Variants in UGT2A1 observed in about 807,000 individuals in gnomAD.
UGT2A1 encodes the protein UDP-glucuronosyltransferase 2A1.
UGT2A1 carries 61 observed loss-of-function variants against 45.4 expected under a neutral mutation model. That is an observed-to-expected ratio of 1.34 (90% CI 1.09 to 1.66). The LOEUF is 1.66. UGT2A1 is among the 40% of genes most tolerant of loss of function. The pLI, the probability that UGT2A1 is intolerant of heterozygous loss-of-function variation, is 0.00. For missense variants in UGT2A1, 649 were observed against 574.3 expected (o/e 1.13, Z -1.33); for synonymous variants, 229 against 196.2 (o/e 1.17, Z -1.40).
chr4:69,637,174 G>A (rs995352817), intron 2 of UGT2A1, among the ~76,000 whole-genome samples: 24 of 152,032 alleles, frequency 1.6e-4, no homozygotes, highest in African/African-American at 5.3e-4. Context: ...AAGAAACTAC[G>A]GTTAAATTAT....
At chr4:69,606,476 G>T (rs544180019) in intron 3 of UGT2A1, among the ~76,000 whole-genome samples, 2 of 136,364 alleles carry the variant, frequency 1.5e-5, no homozygotes, top group African/African-American at 6.0e-5. Context: ...ATACTGAATG[G>T]ACAAAAACTG....
chr4:69,616,135 G>A lies in UGT2A1; in HGVS notation c.848-16741C>T, dbSNP rs574226603. ...CCAGGCGCGGAAAGACAAATATGCCGTGTTTTCACTCACATGTGGAAGCTA... is the reference window on the plus strand; with the variant it reads ...CCAGGCGCGGAAAGACAAATATGCCATGTTTTCACTCACATGTGGAAGCTA... On this transcript the variant is annotated intron_variant, in intron 3 of 6. Transcript: ENST00000286604. Among the ~76,000 whole-genome samples, 18 of 151,962 alleles carry A rather than the reference G, an allele frequency of 1.2e-4. No individual in the cohort carries two copies. The East Asian group carries it at 1.7e-3, about 15-fold the overall frequency.
At chr4:69,633,324 T>C (rs977536738) in intron 3 of UGT2A1, among the ~76,000 whole-genome samples, 1 of 152,140 alleles carries the variant, frequency 6.6e-6, no homozygotes, top group Non-Finnish European at 1.5e-5. Context: ...CAATACCAAG[T>C]GTTGATGACA....
At chr4:69,611,070 G>A (rs1384049641) in intron 3 of UGT2A1, among the ~76,000 whole-genome samples, 1 of 151,954 alleles carries the variant, frequency 6.6e-6, no homozygotes, top group Non-Finnish European at 1.5e-5. Context: ...AGCAGAATAG[G>A]CAAATAATTT....
At chr4:69,631,149 G>A (rs750688787) in intron 3 of UGT2A1, among the ~76,000 whole-genome samples, 12 of 151,880 alleles carry the variant, frequency 7.9e-5, no homozygotes, top group Non-Finnish European at 1.6e-4. Flanking sequence ...TCCTATTAAC[G>A]TCTTTTCTTT....
chr4:69,604,938 AG>A (rs1259451146), intron 3 of UGT2A1, among the ~76,000 whole-genome samples: 2 of 136,780 alleles, frequency 1.5e-5, no homozygotes, highest in African/African-American at 5.9e-5. Flanking sequence ...TTAGAGACCT[AG>A]AAAGAGACTT....
intron 2 of UGT2A1, among the ~76,000 whole-genome samples, chr4:69,646,498 A>G (rs549225336): frequency 6.6e-6 from 1 of 151,950 alleles, no homozygotes; most frequent in East Asian, 1.9e-4. Context: ...TTATTAAGTG[A>G]TGATCAGAGA....
chr4:69,589,718 G>A, intron 6 of UGT2A1, 67 bp from the exon 7 acceptor site: 1 of 1,543,566 alleles, frequency 6.5e-7, no homozygotes, highest in Non-Finnish European at 8.7e-7. Context: ...AGATAAATAT[G>A]TGATACACTT....
chr4:69,608,169 C>T (rs192522029), intron 3 of UGT2A1, among the ~76,000 whole-genome samples: 21 of 152,122 alleles, frequency 1.4e-4, no homozygotes, highest in African/African-American at 4.3e-4. Flanking sequence ...TGGAACCAAC[C>T]CAAATGTCCA....
Position 69,599,291 on chromosome 4 carries a change from C to T in UGT2A1, c.951G>A (p.Glu317=). The change falls in exon 4 of 7, where the codon GAG becomes GAA. Residue 317 remains glutamate, a synonymous_variant. Coordinates refer to ENST00000286604, the MANE Select transcript of UGT2A1 (RefSeq NM_001252275.3). ...EFPRPYLPNF[E]FVGGLHCKPA... ...GTTTGCAGTGCAATCCTCCAACAAACTCAAAATTAGGTAAGTATGGACGAG... is the reference window on the plus strand; with the variant it reads ...GTTTGCAGTGCAATCCTCCAACAAATTCAAAATTAGGTAAGTATGGACGAG... The T allele has an allele frequency of 6.2e-7, 1 of 1,613,780 alleles. No homozygotes were observed. Among genetic ancestry groups the T allele is most frequent in the Non-Finnish European group, 8.5e-7 (1 of 1,179,906 alleles).
At chr4:69,597,758 G>A (rs1035048713) in intron 4 of UGT2A1, among the ~76,000 whole-genome samples, 10 of 150,888 alleles carry the variant, frequency 6.6e-5, no homozygotes, top group Admixed American at 1.3e-4. Flanking sequence ...ACACACAAAC[G>A]TACACATCTA....
chr4:69,647,692 T>G lies in UGT2A1; in HGVS notation c.-48A>C. On this transcript the variant is annotated 5_prime_UTR_variant, in exon 2 of 7. Transcript: ENST00000286604. Reference sequence around the variant, plus strand: ...TTGATGAGATGTGAAGCAAATGTTTTTCTCTGCTTTTAAAGAAAAAAAGGA... The same window carrying G: ...TTGATGAGATGTGAAGCAAATGTTTGTCTCTGCTTTTAAAGAAAAAAAGGA... The G allele has an allele frequency of 7.7e-7, 1 of 1,299,434 alleles. No homozygotes were observed. 80.5% of individuals were successfully genotyped at this position (1,299,434 alleles called of 1,614,324 possible). A position where few individuals can be genotyped will look rare whatever the true frequency, so the allele number is the denominator to read the frequency against.
intron 6 of UGT2A1, among the ~76,000 whole-genome samples, chr4:69,590,659 GTT>G (rs34698455): frequency 8.7e-5 from 13 of 148,888 alleles, no homozygotes; most frequent in African/African-American, 2.0e-4. Flanking sequence ...GTGTGTGTGT[GTT>G]TGTGTGTCTG....
intron 3 of UGT2A1, among the ~76,000 whole-genome samples, chr4:69,627,855 A>T (rs984694100): frequency 4.6e-5 from 7 of 151,984 alleles, no homozygotes; most frequent in Non-Finnish European, 7.4e-5. Flanking sequence ...CATAGACAAT[A>T]TTACAGGTTA....
intron 3 of UGT2A1, among the ~76,000 whole-genome samples, chr4:69,621,056 C>T (rs1720725310): frequency 6.6e-6 from 1 of 151,832 alleles, no homozygotes; most frequent in South Asian, 2.1e-4. Flanking sequence ...ACCTAGAAGA[C>T]AACTTAGTCA....
chr4:69,604,011 G>C (rs1719456260), intron 3 of UGT2A1, among the ~76,000 whole-genome samples: 1 of 136,766 alleles, frequency 7.3e-6, no homozygotes, highest in Non-Finnish European at 1.6e-5. Flanking sequence ...TTATCCAGTA[G>C]AACCTCCCCA....
Position 69,595,178 on chromosome 4 carries a change from G to T in UGT2A1, c.1068C>A (p.Pro356=). ...GNNTQLFDWI[P]QNDLLGHPKT... ...CAGTCTTACCAAGAAGATCATTCTG[G>T]GGTATCCAATCAAAGAGCTGAGTAT... The change falls in exon 5 of 7, where the codon CCC becomes CCA. Residue 356 remains proline (P), a synonymous_variant. Coordinates refer to ENST00000286604, the MANE Select transcript of UGT2A1 (RefSeq NM_001252275.3). 1 of 1,613,742 alleles carries T rather than the reference G, an allele frequency of 6.2e-7. No individual in the cohort carries two copies. The highest frequency in any genetic ancestry group is 1.1e-5 in the South Asian group (1 of 91,070).
chr4:69,616,297 G>GA (rs1451298574), intron 3 of UGT2A1, among the ~76,000 whole-genome samples: 2 of 151,872 alleles, frequency 1.3e-5, no homozygotes, highest in South Asian at 2.1e-4. Context: ...TAGTTAGAAT[G>GA]AAAAAATCTA....
chr4:69,645,928 A>C (rs539822647), intron 2 of UGT2A1, among the ~76,000 whole-genome samples: 56 of 151,798 alleles, frequency 3.7e-4, no homozygotes, highest in African/African-American at 1.3e-3. Context: ...TTCCTTCCCC[A>C]TTCTTACCTT....
Sources: allele counts gnomAD v4.1 joint callset (sites outside exome capture counted in the v4.1 genomes callset), GRCh38; gene constraint gnomAD v4.1.1; transcripts MANE v1.5; gene names NCBI Gene and HGNC (gene_info 2026-07-23, HGNC 2026-07-21).